ARHGAP15: variants seen among roughly 807,000 people sequenced by gnomAD.
The protein encoded by ARHGAP15 is Rho GTPase activating protein 15.
ARHGAP15 carries 51 observed loss-of-function variants against 63.7 expected under a neutral mutation model. The ratio of observed to expected loss-of-function variants is 0.80; its 90% confidence interval spans 0.64 to 1.01. The LOEUF (loss-of-function observed/expected upper bound fraction) is 1.01, where lower values mean the gene tolerates loss of function less well. Ranked by LOEUF, ARHGAP15 falls within the 50% of genes least tolerant of loss-of-function variation. The pLI is 0.00. For synonymous variants in ARHGAP15, 191 were observed against 193.8 expected, an observed-to-expected ratio of 0.99 and a Z score of 0.12; for missense variants, 560 against 564.6, an observed-to-expected ratio of 0.99 and a Z score of 0.08.
chr2:143,180,328 G>A (rs1691184223), intron 2 of ARHGAP15, among the ~76,000 whole-genome samples: 1 of 152,180 alleles, frequency 6.6e-6, no homozygotes. Context: ...TTGCTCATCT[G>A]TAAGAAGCAC....
chr2:143,334,651 G>A (rs1289074285), intron 6 of ARHGAP15, among the ~76,000 whole-genome samples: 1 of 152,072 alleles, frequency 6.6e-6, no homozygotes, highest in Admixed American at 6.6e-5. Flanking sequence ...CAAAGAGGTT[G>A]TTTATTTTAT....
At chr2:143,638,796 A>G (rs1680469656) in intron 12 of ARHGAP15, among the ~76,000 whole-genome samples, 1 of 151,870 alleles carries the variant, frequency 6.6e-6, no homozygotes, top group African/African-American at 2.4e-5. Flanking sequence ...ACTATAAACT[A>G]TTAGACTAGT....
intron 13 of ARHGAP15, among the ~76,000 whole-genome samples, chr2:143,745,571 G>A (rs1686132997): frequency 6.6e-6 from 1 of 152,126 alleles, no homozygotes; most frequent in African/African-American, 2.4e-5. Context: ...ATAAATAAAT[G>A]TAAAGGTACA....
chr2:143,494,133 A>G (rs2104915392), intron 9 of ARHGAP15, among the ~76,000 whole-genome samples: 1 of 152,102 alleles, frequency 6.6e-6, no homozygotes, highest in Middle Eastern at 3.4e-3. Context: ...TGGATTTTTT[A>G]TATTTTTGTT....
At chr2:143,334,546 T>C (rs1684690091) in intron 6 of ARHGAP15, among the ~76,000 whole-genome samples, 1 of 152,178 alleles carries the variant, frequency 6.6e-6, no homozygotes, top group South Asian at 2.1e-4. Context: ...GGTGATAAGA[T>C]GTAAAGCATG....
intron 11 of ARHGAP15, among the ~76,000 whole-genome samples, chr2:143,565,926 G>C (rs957654810): frequency 6.6e-6 from 1 of 152,116 alleles, no homozygotes; most frequent in African/African-American, 2.4e-5. Flanking sequence ...CCTGTTGCTG[G>C]TAATTACAGC....
chr2:143,178,902 C>T (rs1056596894), intron 2 of ARHGAP15, among the ~76,000 whole-genome samples: 5 of 152,232 alleles, frequency 3.3e-5, no homozygotes, highest in Admixed American at 6.5e-5. Flanking sequence ...CGCTTTTCAT[C>T]GCCAGTCTGG....
At chr2:143,644,130 G>T (rs907333162) in intron 12 of ARHGAP15, among the ~76,000 whole-genome samples, 1 of 152,100 alleles carries the variant, frequency 6.6e-6, no homozygotes, top group Non-Finnish European at 1.5e-5. Context: ...CAGAAATGAA[G>T]ATCCGAAGAC....
At position 143,768,316 on chromosome 2, in the gene ARHGAP15, T is replaced by TTAAG. The variant is rs1479151219; in HGVS notation, c.*146_*149dup. 3 of 782,214 alleles carry TTAAG rather than the reference T, an allele frequency of 3.8e-6. No homozygotes were observed. The highest frequency in any genetic ancestry group is 1.8e-5 in the African/African-American group (1 of 56,914). 48.5% of individuals were successfully genotyped at this position (782,214 alleles called of 1,614,324 possible). A position where few individuals can be genotyped will look rare whatever the true frequency, so the allele number is the denominator to read the frequency against. ...TGAAAACTTAATGATGATTTTGTGT[T>TTAAG]TAAGTTCCAAACATTTGAATAAAAT... is the stretch of plus-strand genomic sequence containing the variant. On this transcript the variant is annotated 3_prime_UTR_variant, in exon 14 of 14. Coordinates refer to ENST00000295095, the MANE Select transcript of ARHGAP15 (RefSeq NM_018460.4).
intron 9 of ARHGAP15, among the ~76,000 whole-genome samples, chr2:143,511,758 G>T (rs1051962535): frequency 1.3e-5 from 2 of 152,080 alleles, no homozygotes; most frequent in Non-Finnish European, 2.9e-5. Context: ...GGCTCAAATG[G>T]ATTTCTATCA....
At chr2:143,411,401 G>T (rs1688440538) in intron 6 of ARHGAP15, among the ~76,000 whole-genome samples, 1 of 151,416 alleles carries the variant, frequency 6.6e-6, no homozygotes, top group Non-Finnish European at 1.5e-5. Flanking sequence ...TTGGAGATAT[G>T]CACATTAATC....
intron 1 of ARHGAP15, among the ~76,000 whole-genome samples, chr2:143,139,008 A>G (rs999965475): frequency 1.3e-5 from 2 of 151,980 alleles, no homozygotes; most frequent in African/African-American, 4.8e-5. Flanking sequence ...GCTCTAAACC[A>G]TCTTCTTTTT....
At position 143,483,077 on chromosome 2, in the gene ARHGAP15, C is replaced by T. The variant is rs572826633; in HGVS notation, c.704-4296C>T. 2.0e-5 allele frequency among the ~76,000 whole-genome samples: 3 copies of T among 152,332 alleles called. No homozygotes were observed. The South Asian group carries it at 6.2e-4, about 32-fold the overall frequency. ...CATGTCCAAGACTCTGCTAGTTTCT[C>T]AGTATGTATGAGAAGGAAACAAGAT... On this transcript the variant is annotated intron_variant, in intron 8 of 13. Coordinates refer to ENST00000295095, the MANE Select transcript of ARHGAP15 (RefSeq NM_018460.4).
chr2:143,265,988 CAGG>C (rs935439327), intron 6 of ARHGAP15, among the ~76,000 whole-genome samples: 8 of 151,846 alleles, frequency 5.3e-5, no homozygotes, highest in African/African-American at 1.9e-4. Flanking sequence ...TGATGAAAAA[CAGG>C]GGGTAAAATT....
chr2:143,744,838 G>C (rs576715636), intron 13 of ARHGAP15, among the ~76,000 whole-genome samples: 76 of 152,148 alleles, frequency 5.0e-4, no homozygotes, highest in Admixed American at 1.3e-4. Flanking sequence ...AAAATATAGG[G>C]AGGGAGAAAA....
At chr2:143,530,040 C>T (rs911734716) in intron 10 of ARHGAP15, among the ~76,000 whole-genome samples, 1 of 152,116 alleles carries the variant, frequency 6.6e-6, no homozygotes, top group African/African-American at 2.4e-5. Context: ...GATGAAGAGA[C>T]AAATATTATC....
intron 13 of ARHGAP15, among the ~76,000 whole-genome samples, chr2:143,746,877 G>A (rs1686185301): frequency 6.6e-6 from 1 of 152,202 alleles, no homozygotes; most frequent in Non-Finnish European, 1.5e-5. Flanking sequence ...TGGCATAAAT[G>A]TGGCAATAAA....
chr2:143,161,441 A>T (rs1424095325), intron 2 of ARHGAP15, among the ~76,000 whole-genome samples: 10 of 151,474 alleles, frequency 6.6e-5, no homozygotes, highest in Non-Finnish European at 1.3e-4. Context: ...TAGTTTGTTA[A>T]TTTTTTTTTA....
chr2:143,256,492 A>T (rs1680434427), intron 6 of ARHGAP15, among the ~76,000 whole-genome samples: 1 of 152,130 alleles, frequency 6.6e-6, no homozygotes, highest in African/African-American at 2.4e-5. Flanking sequence ...AATCAATGAC[A>T]TATTCAAATT....
Sources: allele counts gnomAD v4.1 joint callset (sites outside exome capture counted in the v4.1 genomes callset), GRCh38; gene constraint gnomAD v4.1.1; transcripts MANE v1.5; gene names NCBI Gene and HGNC (gene_info 2026-07-23, HGNC 2026-07-21).